Variants in STK3 observed in about 807,000 individuals in gnomAD.
STK3 encodes serine/threonine kinase 3.
In STK3, 41 loss-of-function variants were observed where a neutral mutation model predicts 58.0. The ratio of observed to expected loss-of-function variants is 0.71; its 90% confidence interval spans 0.55 to 0.92. The LOEUF (loss-of-function observed/expected upper bound fraction) is 0.92. Among genes scored for constraint, STK3 ranks in the 40% least tolerant of loss-of-function variants. The pLI, the probability that STK3 is intolerant of heterozygous loss-of-function variation, is 0.00. For missense variants in STK3, 479 were observed against 602.7 expected, an observed-to-expected ratio of 0.79 and a Z score of 2.15; for synonymous variants, 170 against 191.0, an observed-to-expected ratio of 0.89 and a Z score of 0.91.
chr8:98,426,414 A>G (rs1011953865), intron 3 of STK3, among the ~76,000 whole-genome samples: 1 of 152,272 alleles, frequency 6.6e-6, no homozygotes, highest in African/African-American at 2.4e-5. Flanking sequence ...AGTCCCGCAC[A>G]GCCAGCACAC....
At position 98,394,333 on chromosome 8, in the gene STK3, C is replaced by CT. The variant is rs543800194; in HGVS notation, n.428-6087dup. On this transcript the variant is annotated intron_variant and non_coding_transcript_variant, in intron 3 of 5. Coordinates refer to the STK3 transcript ENST00000649151. ...TACATCCAAGGCTACTCTGATTGAA[C>CT]TTTTTTTTTTAAACTCAAACGAGAG... Among the ~76,000 whole-genome samples the CT allele has an allele frequency of 4.2e-4, 63 of 149,818 alleles. No homozygotes were observed. In the South Asian group the frequency reaches 9.5e-3, roughly 23 times the overall value.
intron 9 of STK3, 133 bp downstream of exon 9, chr8:98,547,826 ATACTCTTTTT>A (rs1810833155): frequency 1.6e-6 from 1 of 619,000 alleles, no homozygotes; most frequent in Non-Finnish European, 2.4e-6. Context: ...GACTTGTGCC[ATACTCTTTTT>A]TACTGTTACA....
At chr8:98,699,584 A>G (rs1195993551) in intron 6 of STK3, among the ~76,000 whole-genome samples, 1 of 152,244 alleles carries the variant, frequency 6.6e-6, no homozygotes, top group Non-Finnish European at 1.5e-5. Flanking sequence ...TCTAACAGAC[A>G]GGACCCTCAG....
At chr8:98,689,697 C>A (rs1824255224) in intron 6 of STK3, among the ~76,000 whole-genome samples, 1 of 152,100 alleles carries the variant, frequency 6.6e-6, no homozygotes, top group Non-Finnish European at 1.5e-5. Context: ...ATGGGAAGAT[C>A]ACCTGAGCCT....
At chr8:98,845,069 G>A (rs1249953424) in intron 3 of STK3, among the ~76,000 whole-genome samples, 1 of 152,104 alleles carries the variant, frequency 6.6e-6, no homozygotes, top group African/African-American at 2.4e-5. Flanking sequence ...TCCTCTCTGA[G>A]ACCCTATTCT....
intron 1 of STK3, among the ~76,000 whole-genome samples, chr8:98,894,926 G>A (rs547274165): frequency 1.4e-4 from 21 of 152,224 alleles, no homozygotes; most frequent in African/African-American, 3.6e-4. Context: ...ATAAATGAAC[G>A]AATGGATAGG....
intron 4 of STK3, among the ~76,000 whole-genome samples, chr8:98,738,747 T>G (rs1303957927): frequency 2.6e-5 from 4 of 152,192 alleles, no homozygotes; most frequent in Non-Finnish European, 5.9e-5. Flanking sequence ...CGCAGGACAG[T>G]GGGTGCAGCG....
intron 3 of STK3, among the ~76,000 whole-genome samples, chr8:98,869,420 C>T (rs188029255): frequency 7.2e-5 from 11 of 152,006 alleles, no homozygotes; most frequent in Non-Finnish European, 1.3e-4. Flanking sequence ...GACCCTGTCT[C>T]AAAAAATAAA....
intron 4 of STK3, among the ~76,000 whole-genome samples, chr8:98,746,064 A>G (rs566845176): frequency 7.9e-5 from 12 of 152,210 alleles, no homozygotes; most frequent in Non-Finnish European, 1.6e-4. Context: ...TGGGACCACA[A>G]TTCTACATGC....
intron 6 of STK3, among the ~76,000 whole-genome samples, chr8:98,646,826 C>G (rs117658231): frequency 0.032 from 4,851 of 152,246 alleles, 116 homozygotes; most frequent in Non-Finnish European, 0.047. Context: ...CTTACCACCT[C>G]CACTGTTACC....
intron 1 of STK3, among the ~76,000 whole-genome samples, chr8:98,939,748 A>G (rs1435866794): frequency 6.6e-6 from 1 of 152,266 alleles, no homozygotes; most frequent in Non-Finnish European, 1.5e-5. Context: ...AGGTTTGCAG[A>G]CCGTGCCCTA....
intron 4 of STK3, among the ~76,000 whole-genome samples, chr8:98,718,718 T>A (rs917595833): frequency 1.3e-5 from 2 of 152,102 alleles, no homozygotes; most frequent in African/African-American, 4.8e-5. Context: ...TATATTAATG[T>A]TGAACATATA....
intron 1 of STK3, among the ~76,000 whole-genome samples, chr8:98,940,421 G>T (rs2132064595): frequency 6.6e-6 from 1 of 152,254 alleles, no homozygotes; most frequent in Admixed American, 6.5e-5. Flanking sequence ...CACGGCCACG[G>T]CCACGCAACT....
chr8:98,909,145 A>C (rs1839037421), intron 1 of STK3, among the ~76,000 whole-genome samples: 1 of 152,208 alleles, frequency 6.6e-6, no homozygotes, highest in African/African-American at 2.4e-5. Context: ...TGGGCAACAG[A>C]GTGAGACTCT....
chr8:98,934,206 A>G (rs146068591), intron 1 of STK3, among the ~76,000 whole-genome samples: 116 of 152,216 alleles, frequency 7.6e-4, no homozygotes, highest in African/African-American at 2.6e-3. Context: ...CTTTTCCACT[A>G]GTATGTACTG....
rs573252025 is a variant in STK3 at position 98,761,084 on chromosome 8, A to G, written c.236+6159T>C. Among the ~76,000 whole-genome samples, 43 of 152,112 alleles carry G rather than the reference A, an allele frequency of 2.8e-4. No homozygotes were observed. In the South Asian group the frequency reaches 8.5e-3, roughly 30 times the overall value. On this transcript the variant is annotated intron_variant, in intron 3 of 10. Transcript: ENST00000419617. ...AACATCATATAATTAAATAAAGAAA[A>G]TGGAATACTATTTGAAAATACTGCT...
At position 98,736,496 on chromosome 8, in the gene STK3, T is replaced by C. The variant is rs188697668; in HGVS notation, c.351+12780A>G. 5.1e-4 allele frequency among the ~76,000 whole-genome samples: 77 copies of C among 152,352 alleles called. 2 individuals are homozygous for C. In the South Asian group the frequency reaches 0.012, roughly 23 times the overall value. On this transcript the variant is annotated intron_variant, in intron 4 of 10. Transcript: ENST00000419617. ...GGAGGTAATACATAAACTCTGTTTA[T>C]ACATCAGGCTAAAAAATTTGAACTT...
chr8:98,347,226 G>A, the STK3 span, among the ~76,000 whole-genome samples: 1 of 151,804 alleles, frequency 6.6e-6, no homozygotes, highest in African/African-American at 2.4e-5. Context: ...TAAAAAACCA[G>A]CGTATTGGCC....
intron 6 of STK3, among the ~76,000 whole-genome samples, chr8:98,641,867 G>A (rs1432488468): frequency 6.6e-6 from 1 of 152,154 alleles, no homozygotes; most frequent in Non-Finnish European, 1.5e-5. Flanking sequence ...CCTGAGAACA[G>A]ATATGCCCAA....
Sources: gnomAD v4.1 joint callset for allele counts (sites outside exome capture counted in the v4.1 genomes callset) on GRCh38, gnomAD v4.1.1 for gene constraint, MANE v1.5 for transcripts, NCBI Gene and HGNC (gene_info 2026-07-23, HGNC 2026-07-21) for gene names.